The following CLSTN2 variants were observed in gnomAD, a reference collection of about 807,000 sequenced individuals.
CLSTN2 encodes calsyntenin-2.
A neutral mutation model predicts 101.2 loss-of-function variants in CLSTN2; 48 were observed. That is an observed-to-expected ratio of 0.47 (90% CI 0.38 to 0.60). The LOEUF (loss-of-function observed/expected upper bound fraction) is 0.60, where lower values mean the gene tolerates loss of function less well. Ranked by LOEUF, CLSTN2 falls within the 20% of genes least tolerant of loss-of-function variation. The pLI is 0.00. For synonymous variants in CLSTN2, 481 were observed against 463.6 expected (o/e 1.04, Z -0.48); for missense variants, 1,160 against 1,238.2 (o/e 0.94, Z 0.95).
In CLSTN2 at chr3:140,162,856, G is replaced by A. The variant is rs376935035; in HGVS notation, c.110-13095G>A. On this transcript the variant is annotated intron_variant, in intron 1 of 16. Coordinates refer to ENST00000458420, the MANE Select transcript of CLSTN2 (RefSeq NM_022131.3). ...TTCTGGACATCTTAGAATCTAAGGC[G>A]TGAAATGGAATTCGCAGTAAAAATG... is the stretch of plus-strand genomic sequence containing the variant. Among the ~76,000 whole-genome samples, 47 of 152,314 alleles carry A rather than the reference G, an allele frequency of 3.1e-4. No homozygotes were observed. In the South Asian group the frequency reaches 4.3e-3, roughly 14 times the overall value.
intron 2 of CLSTN2, among the ~76,000 whole-genome samples, chr3:140,387,247 G>A (rs1171163090): frequency 6.6e-6 from 1 of 152,218 alleles, no homozygotes; most frequent in Non-Finnish European, 1.5e-5. Context: ...GGCTTGAGAA[G>A]CCAGAGCAGG....
At chr3:140,302,921 C>T (rs553579083) in intron 2 of CLSTN2, among the ~76,000 whole-genome samples, 1 of 152,084 alleles carries the variant, frequency 6.6e-6, no homozygotes, top group Non-Finnish European at 1.5e-5. Context: ...GTGTGTCAGC[C>T]CCGGAGATGG....
At chr3:140,193,750 A>G (rs989858277) in intron 2 of CLSTN2, among the ~76,000 whole-genome samples, 2 of 151,834 alleles carry the variant, frequency 1.3e-5, no homozygotes, top group Non-Finnish European at 2.9e-5. Flanking sequence ...TCTTTTTCCT[A>G]TTTAGGATTC....
intron 1 of CLSTN2, among the ~76,000 whole-genome samples, chr3:140,034,758 T>C (rs1423850977): frequency 2.0e-5 from 3 of 152,230 alleles, no homozygotes; most frequent in African/African-American, 7.2e-5. Context: ...CCTCACTCTG[T>C]AGTGTGAGAT....
intron 2 of CLSTN2, among the ~76,000 whole-genome samples, chr3:140,202,959 G>C (rs78576615): frequency 0.021 from 3,222 of 152,170 alleles, 109 homozygotes; most frequent in African/African-American, 0.074. Context: ...GCCCCCTCCT[G>C]GTCTAGCCAG....
At chr3:140,501,192 T>C (rs1175392553) in intron 8 of CLSTN2, among the ~76,000 whole-genome samples, 1 of 152,190 alleles carries the variant, frequency 6.6e-6, no homozygotes, top group African/African-American at 2.4e-5. Context: ...CTGCATACTT[T>C]CTAGCTTGCC....
Position 139,935,830 on chromosome 3 carries a change from G to A in CLSTN2, c.109+347G>A, listed in dbSNP as rs530713794. Among the ~76,000 whole-genome samples the A allele has an allele frequency of 2.2e-4, 34 of 152,224 alleles. No individual in the cohort carries two copies. The highest frequency in any genetic ancestry group is 7.0e-4 in the African/African-American group (29 of 41,566). ...GGCTAGAGCAGGGCGCTGGCGCGCCGTGGGGACAAGCAGGTGTCTGCTCCT... is the reference window on the plus strand; with the variant it reads ...GGCTAGAGCAGGGCGCTGGCGCGCCATGGGGACAAGCAGGTGTCTGCTCCT... On this transcript the variant is annotated intron_variant, in intron 1 of 16. Coordinates refer to ENST00000458420, the MANE Select transcript of CLSTN2 (RefSeq NM_022131.3). The surrounding 1 kb of genome is among the most constrained non-coding windows in gnomAD (Gnocchi z 5.5).
rs117000185 is a variant in CLSTN2, at chr3:140,155,908, T to C, written c.110-20043T>C. On this transcript the variant is annotated intron_variant, in intron 1 of 16. Coordinates refer to ENST00000458420, the MANE Select transcript of CLSTN2 (RefSeq NM_022131.3). ...ATTTCCAAGCTAATTAGGCCCAAGA[T>C]ACAAGAGTAAGAAGCTGACATTAAT... Among the ~76,000 whole-genome samples the C allele has an allele frequency of 1.1e-4, 17 of 152,290 alleles. No individual in the cohort carries two copies. The East Asian group carries it at 3.1e-3, about 28-fold the overall frequency.
At chr3:140,338,962 G>A (rs996373063) in intron 2 of CLSTN2, among the ~76,000 whole-genome samples, 47 of 152,306 alleles carry the variant, frequency 3.1e-4, no homozygotes, top group Admixed American at 2.7e-3. Context: ...GAGTATTCCC[G>A]CCGCCTGACA....
At chr3:139,959,198 C>G (rs1935460980) in intron 1 of CLSTN2, among the ~76,000 whole-genome samples, 1 of 152,132 alleles carries the variant, frequency 6.6e-6, no homozygotes, top group Non-Finnish European at 1.5e-5. Context: ...AGTTCCAGGT[C>G]TACTATGTGG....
At chr3:140,389,560 T>A (rs903978581) in intron 2 of CLSTN2, among the ~76,000 whole-genome samples, 5 of 152,244 alleles carry the variant, frequency 3.3e-5, no homozygotes, top group African/African-American at 1.2e-4. Flanking sequence ...TGATTCCGTG[T>A]CTTTGTTATT....
intron 2 of CLSTN2, among the ~76,000 whole-genome samples, chr3:140,372,734 G>T (rs1028370846): frequency 9.9e-5 from 15 of 152,142 alleles, no homozygotes; most frequent in Non-Finnish European, 1.8e-4. Flanking sequence ...TAAAAGTGCA[G>T]CTCCAAGAAT....
At chr3:140,194,159 C>T (rs1048962017) in intron 2 of CLSTN2, among the ~76,000 whole-genome samples, 1 of 152,074 alleles carries the variant, frequency 6.6e-6, no homozygotes, top group Non-Finnish European at 1.5e-5. Context: ...CCCTAGGTGG[C>T]TAATAAACAA....
intron 1 of CLSTN2, among the ~76,000 whole-genome samples, chr3:140,153,828 G>A (rs1031196589): frequency 7.9e-5 from 12 of 152,190 alleles, no homozygotes; most frequent in African/African-American, 2.2e-4. Context: ...ACACTGGTGG[G>A]AGTGGAGCTT....
chr3:140,045,645 G>C (rs535719764), intron 1 of CLSTN2, among the ~76,000 whole-genome samples: 2 of 152,254 alleles, frequency 1.3e-5, no homozygotes, highest in Non-Finnish European at 2.9e-5. Flanking sequence ...GCTTTCTCTT[G>C]TGGGCATTTA....
At chr3:140,132,181 G>A (rs1487014232) in intron 1 of CLSTN2, among the ~76,000 whole-genome samples, 4 of 152,162 alleles carry the variant, frequency 2.6e-5, no homozygotes, top group Non-Finnish European at 5.9e-5. Flanking sequence ...AGTTTAACAG[G>A]AGGAAAAAGT....
Position 140,566,254 on chromosome 3 carries a change from T to C in CLSTN2, c.*1T>C, listed in dbSNP as rs1370418659. On this transcript the variant is annotated 3_prime_UTR_variant, in exon 17 of 17. Coordinates refer to ENST00000458420, the MANE Select transcript of CLSTN2 (RefSeq NM_022131.3). ...GGATGACTCCACCCTCCCCTACTAG[T>C]GCCCAGGGGTCTGCTGCCTGGCCCA... is the stretch of plus-strand genomic sequence containing the variant. 1 of 1,560,506 alleles carries C rather than the reference T, an allele frequency of 6.4e-7. No homozygotes were observed. The highest frequency in any genetic ancestry group is 1.4e-5 in the African/African-American group (1 of 73,736).
intron 5 of CLSTN2, among the ~76,000 whole-genome samples, chr3:140,424,239 C>G (rs892080494): frequency 6.6e-6 from 1 of 152,170 alleles, no homozygotes; most frequent in Non-Finnish European, 1.5e-5. Context: ...GTTTGGCATC[C>G]GGATCCAGAG....
chr3:140,315,721 C>T (rs947335084), intron 2 of CLSTN2, among the ~76,000 whole-genome samples: 1 of 152,206 alleles, frequency 6.6e-6, no homozygotes, highest in African/African-American at 2.4e-5. Flanking sequence ...AGCAATTTGT[C>T]TTCCAGGAGG....
Sources: gnomAD v4.1 joint callset for allele counts (sites outside exome capture counted in the v4.1 genomes callset) on GRCh38, gnomAD v4.1.1 for gene constraint, Gnocchi (gnomAD v3.1) non-coding constraint, MANE v1.5 for transcripts, NCBI Gene and HGNC (gene_info 2026-07-23, HGNC 2026-07-21) for gene names.